Variants in THAP4 observed in about 807,000 individuals in gnomAD.
THAP4 encodes the protein THAP domain containing 4.
In THAP4, 18 loss-of-function variants were observed where a neutral mutation model predicts 48.1. The observed-to-expected ratio is 0.37, with a 90% CI of 0.26 to 0.56. The LOEUF (loss-of-function observed/expected upper bound fraction) is 0.56, where lower values mean the gene tolerates loss of function less well. THAP4 is among the 20% of genes least tolerant of loss of function. The pLI, the probability that THAP4 is intolerant of heterozygous loss-of-function variation, is 0.78. For synonymous variants in THAP4, 345 were observed against 324.9 expected (o/e 1.06, Z -0.66); for missense variants, 656 against 774.9 (o/e 0.85, Z 1.82).
rs1283685676 is a variant in THAP4, at chr2:241,610,603, A to C, written c.1241-4130T>G. Among the ~76,000 whole-genome samples the C allele has an allele frequency of 6.8e-6, 1 of 147,116 alleles. No individual in the cohort carries two copies. Among genetic ancestry groups the C allele is most frequent in the East Asian group, 2.0e-4 (1 of 4,972 alleles). Reference sequence around the variant, plus strand: ...CCGCCCTCCCCACTCCTGCTTCCCCAGCCACGGGGTCTTCTCCCGGCCCCT... The same window carrying C: ...CCGCCCTCCCCACTCCTGCTTCCCCCGCCACGGGGTCTTCTCCCGGCCCCT... On this transcript the variant is annotated intron_variant, in intron 2 of 5. Coordinates refer to ENST00000407315, the MANE Select transcript of THAP4 (RefSeq NM_015963.6). The surrounding 1 kb of genome is among the most constrained non-coding windows in gnomAD (Gnocchi z 4.2).
chr2:241,618,425 A>G (rs953211274), intron 2 of THAP4, among the ~76,000 whole-genome samples: 2 of 152,252 alleles, frequency 1.3e-5, no homozygotes, highest in Non-Finnish European at 2.9e-5. Flanking sequence ...AAGATGGCCA[A>G]TTACTAAAAT....
At chr2:241,621,935 C>T (rs933592564) in intron 2 of THAP4, among the ~76,000 whole-genome samples, 3 of 151,714 alleles carry the variant, frequency 2.0e-5, no homozygotes, top group Non-Finnish European at 2.9e-5. Context: ...TCAGAAACCA[C>T]GCAAGCAAAA....
At chr2:241,590,273 A>G (rs2066944238) in intron 5 of THAP4, among the ~76,000 whole-genome samples, 1 of 150,820 alleles carries the variant, frequency 6.6e-6, no homozygotes, top group Non-Finnish European at 1.5e-5. Context: ...GATAATGGGC[A>G]CTAGGACACT....
intron 2 of THAP4, among the ~76,000 whole-genome samples, chr2:241,632,499 C>T (rs921847436): frequency 6.6e-6 from 1 of 152,140 alleles, no homozygotes; most frequent in Non-Finnish European, 1.5e-5. Flanking sequence ...GAAAGAACCT[C>T]CTCATGATTT....
At chr2:241,595,990 A>G (rs78699732) in intron 5 of THAP4, among the ~76,000 whole-genome samples, 22,511 of 152,180 alleles carry the variant, frequency 0.15, 1,918 homozygotes, top group South Asian at 0.37. Flanking sequence ...CGTGGAAAGG[A>G]TGCTGGAAGC....
chr2:241,608,383 T>G (rs565138316), intron 2 of THAP4, among the ~76,000 whole-genome samples: 2 of 152,254 alleles, frequency 1.3e-5, no homozygotes, highest in Non-Finnish European at 2.9e-5. Flanking sequence ...TTTCCTTTTT[T>G]GTTTTTCTTA....
chr2:241,610,557 G>C lies in THAP4; in HGVS notation c.1241-4084C>G, dbSNP rs1366275135. Among the ~76,000 whole-genome samples, 1 of 152,106 alleles carries C rather than the reference G, an allele frequency of 6.6e-6. No homozygotes were observed. Among genetic ancestry groups the C allele is most frequent in the Non-Finnish European group, 1.5e-5 (1 of 67,996 alleles). ...AGCCCCTCCACAGACCACAGCGACCGCGCCCCTCGGCCCGGAGGCCCCGCC... is the reference window on the plus strand; with the variant it reads ...AGCCCCTCCACAGACCACAGCGACCCCGCCCCTCGGCCCGGAGGCCCCGCC... On this transcript the variant is annotated intron_variant, in intron 2 of 5. Coordinates refer to ENST00000407315, the MANE Select transcript of THAP4 (RefSeq NM_015963.6). This position sits in a 1 kb window ranked among gnomAD's most constrained non-coding sequence, Gnocchi z 4.2.
intron 5 of THAP4, among the ~76,000 whole-genome samples, chr2:241,596,623 G>A (rs193091018): frequency 1.3e-5 from 2 of 149,796 alleles, no homozygotes; most frequent in Non-Finnish European, 3.0e-5. Context: ...TGGCTAACAC[G>A]GTGAAACCCC....
At chr2:241,622,668 C>T (rs1274042032) in intron 2 of THAP4, among the ~76,000 whole-genome samples, 6 of 152,046 alleles carry the variant, frequency 3.9e-5, no homozygotes, top group East Asian at 1.9e-4. Flanking sequence ...GGCATAATTA[C>T]GGCTCACTGC....
intron 2 of THAP4, among the ~76,000 whole-genome samples, chr2:241,628,697 G>A (rs1373634957): frequency 6.7e-6 from 1 of 148,186 alleles, no homozygotes; most frequent in African/African-American, 2.5e-5. Context: ...GGCTGGGTGC[G>A]GTGGCTTACC....
At chr2:241,634,989 G>A (rs951201157) in intron 1 of THAP4, among the ~76,000 whole-genome samples, 5 of 152,270 alleles carry the variant, frequency 3.3e-5, no homozygotes, top group Admixed American at 6.5e-5. Context: ...AGCCTAGGGA[G>A]AGGAGGACTG....
chr2:241,606,194 A>G, intron 3 of THAP4, 120 bp downstream of exon 3: 2 of 909,040 alleles, frequency 2.2e-6, no homozygotes, highest in East Asian at 2.7e-5. Flanking sequence ...TCTGAAATAG[A>G]TGGACAAGTT....
intron 5 of THAP4, among the ~76,000 whole-genome samples, chr2:241,590,061 T>C (rs1394093052): frequency 6.2e-5 from 8 of 129,666 alleles, no homozygotes; most frequent in South Asian, 5.1e-4. Flanking sequence ...GCAGAGCTGC[T>C]CGGCTGACGA....
intron 2 of THAP4, among the ~76,000 whole-genome samples, chr2:241,618,054 T>C (rs936242315): frequency 3.9e-5 from 6 of 152,208 alleles, no homozygotes; most frequent in African/African-American, 1.4e-4. Context: ...GGACACTTAC[T>C]GCTTAGTACA....
In THAP4 at chr2:241,612,888, C is replaced by T. The variant is rs944069135; in HGVS notation, c.1241-6415G>A. Among the ~76,000 whole-genome samples the T allele has an allele frequency of 3.3e-5, 5 of 152,166 alleles. No individual in the cohort carries two copies. Among genetic ancestry groups the T allele is most frequent in the African/African-American group, 7.2e-5 (3 of 41,456 alleles). On this transcript the variant is annotated intron_variant, in intron 2 of 5. Transcript: ENST00000407315. The surrounding 1 kb of genome is among the most constrained non-coding windows in gnomAD (Gnocchi z 4.1). ...AGGCGCGTGAGCTGGCTCACTGACA[C>T]GTGCAGTGAGTGCGAGCTACAAACT...
chr2:241,611,972 G>A (rs990593089), intron 2 of THAP4, among the ~76,000 whole-genome samples: 6 of 152,148 alleles, frequency 3.9e-5, no homozygotes, highest in Non-Finnish European at 7.4e-5. Flanking sequence ...GCATGAATAC[G>A]GTTCACTGCG....
intron 1 of THAP4, among the ~76,000 whole-genome samples, chr2:241,635,946 G>GT (rs2067640112): frequency 6.6e-6 from 1 of 152,214 alleles, no homozygotes; most frequent in South Asian, 2.1e-4. Context: ...TCTGAACACT[G>GT]TGAGGCCAAC....
Position 241,612,104 on chromosome 2 carries a change from G to T in THAP4, c.1241-5631C>A, listed in dbSNP as rs2067284423. Reference sequence around the variant, plus strand: ...AAGAACTCAGGAGAGAAACGGCAAGGAAAGAGGAGAAGGTGAAACATGACC... The same window carrying T: ...AAGAACTCAGGAGAGAAACGGCAAGTAAAGAGGAGAAGGTGAAACATGACC... On this transcript the variant is annotated intron_variant, in intron 2 of 5. Coordinates refer to ENST00000407315, the MANE Select transcript of THAP4 (RefSeq NM_015963.6). The surrounding 1 kb of genome is among the most constrained non-coding windows in gnomAD (Gnocchi z 4.1). Among the ~76,000 whole-genome samples, 1 of 152,112 alleles carries T rather than the reference G, an allele frequency of 6.6e-6. No individual in the cohort carries two copies. The highest frequency in any genetic ancestry group is 2.1e-4 in the South Asian group (1 of 4,822).
chr2:241,630,063 A>G (rs2067538257), intron 2 of THAP4, among the ~76,000 whole-genome samples: 1 of 152,204 alleles, frequency 6.6e-6, no homozygotes, highest in Non-Finnish European at 1.5e-5. Flanking sequence ...GAACTCCTTC[A>G]GTCCTTACCA....
Sources: allele counts gnomAD v4.1 joint callset (sites outside exome capture counted in the v4.1 genomes callset), GRCh38; gene constraint gnomAD v4.1.1; non-coding constraint Gnocchi (gnomAD v3.1); transcripts MANE v1.5; gene names NCBI Gene and HGNC (gene_info 2026-07-23, HGNC 2026-07-21).